Variants in SLC8A1 observed in about 807,000 individuals in gnomAD.
SLC8A1 encodes the protein solute carrier family 8 member A1, also known as sodium/calcium exchanger 1.
SLC8A1 carries 18 observed loss-of-function variants against 68.3 expected under a neutral mutation model. The ratio of observed to expected loss-of-function variants is 0.26; its 90% confidence interval spans 0.18 to 0.39. SLC8A1 has a LOEUF of 0.39. Among genes scored for constraint, SLC8A1 ranks in the 10% least tolerant of loss-of-function variants. The pLI is 1.00. For missense variants in SLC8A1, 985 were observed against 1,156.7 expected (o/e 0.85, Z 2.15); for synonymous variants, 475 against 415.5 (o/e 1.14, Z -1.74).
intron 2 of SLC8A1, among the ~76,000 whole-genome samples, chr2:40,421,322 C>T (rs929739710): frequency 1.3e-5 from 2 of 151,952 alleles, no homozygotes; most frequent in East Asian, 3.9e-4. Context: ...GGCTGAAAGG[C>T]ACAAAGCTGG....
At chr2:40,464,437 C>T (rs1004324973) in intron 1 of SLC8A1, among the ~76,000 whole-genome samples, 4 of 152,202 alleles carry the variant, frequency 2.6e-5, no homozygotes, top group African/African-American at 9.6e-5. Flanking sequence ...GTCTACTGTG[C>T]ACTCTATTAG....
chr2:40,131,057 G>T (rs916087025), intron 7 of SLC8A1, among the ~76,000 whole-genome samples: 1 of 152,200 alleles, frequency 6.6e-6, no homozygotes, highest in Non-Finnish European at 1.5e-5. Context: ...ATTTTTAAGG[G>T]TCTACTATAT....
chr2:40,387,623 T>A (rs1438156049), intron 2 of SLC8A1, among the ~76,000 whole-genome samples: 1 of 151,328 alleles, frequency 6.6e-6, no homozygotes, highest in Admixed American at 6.6e-5. Flanking sequence ...TGAACTAGAC[T>A]TATCAGGAGG....
intron 2 of SLC8A1, among the ~76,000 whole-genome samples, chr2:40,387,594 C>T (rs188596296): frequency 6.6e-6 from 1 of 151,358 alleles, no homozygotes; most frequent in Non-Finnish European, 1.5e-5. Flanking sequence ...TCATAATAAA[C>T]TATCTATGCT....
At chr2:40,483,012 G>C (rs1011071769) in intron 1 of SLC8A1, among the ~76,000 whole-genome samples, 2 of 148,614 alleles carry the variant, frequency 1.3e-5, no homozygotes, top group African/African-American at 5.0e-5. Flanking sequence ...CACCGTGTTA[G>C]CCAGGATGGT....
At chr2:40,209,807 C>G (rs1055693990) in intron 2 of SLC8A1, among the ~76,000 whole-genome samples, 1 of 152,000 alleles carries the variant, frequency 6.6e-6, no homozygotes, top group African/African-American at 2.4e-5. Flanking sequence ...CATCAGCTGA[C>G]AGTAAGACAC....
At chr2:40,226,780 G>T (rs1373515721) in intron 2 of SLC8A1, among the ~76,000 whole-genome samples, 1 of 152,148 alleles carries the variant, frequency 6.6e-6, no homozygotes, top group Non-Finnish European at 1.5e-5. Context: ...AAGATTACTT[G>T]GTAGCTTTTA....
chr2:40,268,036 A>T (rs1359065515), intron 2 of SLC8A1, among the ~76,000 whole-genome samples: 1 of 152,208 alleles, frequency 6.6e-6, no homozygotes, highest in Non-Finnish European at 1.5e-5. Flanking sequence ...CATTTTACAC[A>T]TTTTATCACA....
At chr2:40,295,967 T>C (rs569363789) in intron 2 of SLC8A1, among the ~76,000 whole-genome samples, 1 of 152,234 alleles carries the variant, frequency 6.6e-6, no homozygotes, top group African/African-American at 2.4e-5. Context: ...GTGTTGGTGG[T>C]ATAGAGAGAA....
intron 7 of SLC8A1, among the ~76,000 whole-genome samples, chr2:40,137,988 T>A (rs1036081335): frequency 6.6e-6 from 1 of 152,142 alleles, no homozygotes; most frequent in Non-Finnish European, 1.5e-5. Flanking sequence ...ATTTATACTG[T>A]TCAGATCATC....
chr2:40,356,987 A>T (rs1672865854), intron 2 of SLC8A1, among the ~76,000 whole-genome samples: 1 of 152,186 alleles, frequency 6.6e-6, no homozygotes, highest in African/African-American at 2.4e-5. Context: ...ACACTCCATG[A>T]GTATTCAGAG....
intron 2 of SLC8A1, among the ~76,000 whole-genome samples, chr2:40,292,758 G>C (rs1020271412): frequency 8.5e-5 from 13 of 152,128 alleles, no homozygotes; most frequent in African/African-American, 2.7e-4. Flanking sequence ...TGAGGAAAAG[G>C]CTGCTGGACT....
At chr2:40,252,877 T>C (rs2063041617) in intron 2 of SLC8A1, among the ~76,000 whole-genome samples, 1 of 109,962 alleles carries the variant, frequency 9.1e-6, no homozygotes, top group African/African-American at 4.0e-5. Flanking sequence ...TCCAATAATA[T>C]ATATTTTGAG....
At chr2:40,226,693 C>A (rs1231621248) in intron 2 of SLC8A1, among the ~76,000 whole-genome samples, 1 of 152,144 alleles carries the variant, frequency 6.6e-6, no homozygotes, top group African/African-American at 2.4e-5. Context: ...GTGGAAGCAT[C>A]TTTGACTAAT....
chr2:40,184,898 C>CAAAAAAAAAAAAAAAAAAAAAAAAAAAA (rs66662572), intron 2 of SLC8A1, among the ~76,000 whole-genome samples: 1 of 106,526 alleles, frequency 9.4e-6, no homozygotes. Flanking sequence ...TAACCAAAAA[C>CAAAAAAAAAAAAAAAAAAAAAAAAAAAA]AAAAAAAAAA....
chr2:40,122,235 C>A (rs552144305), intron 7 of SLC8A1, among the ~76,000 whole-genome samples: 1 of 149,062 alleles, frequency 6.7e-6, no homozygotes, highest in African/African-American at 2.6e-5. Flanking sequence ...CGTGTGCGCG[C>A]GCACACACAC....
At chr2:40,154,449 A>T (rs559018046) in intron 6 of SLC8A1, among the ~76,000 whole-genome samples, 1 of 146,896 alleles carries the variant, frequency 6.8e-6, no homozygotes, top group Non-Finnish European at 1.5e-5. Context: ...GATTACAGGC[A>T]CCTGCCACCA....
At chr2:40,358,451 T>A (rs1673455490) in intron 2 of SLC8A1, among the ~76,000 whole-genome samples, 1 of 152,126 alleles carries the variant, frequency 6.6e-6, no homozygotes, top group Non-Finnish European at 1.5e-5. Context: ...ATATCAGAAA[T>A]CTCTCAAATT....
intron 2 of SLC8A1, among the ~76,000 whole-genome samples, chr2:40,244,971 A>G (rs2061669597): frequency 6.6e-6 from 1 of 152,218 alleles, no homozygotes; most frequent in Non-Finnish European, 1.5e-5. Context: ...AACCTAGGAA[A>G]TCAAAAACCA....
Sources: gnomAD v4.1 joint callset for allele counts (sites outside exome capture counted in the v4.1 genomes callset) on GRCh38, gnomAD v4.1.1 for gene constraint, MANE v1.5 for transcripts, NCBI Gene and HGNC (gene_info 2026-07-23, HGNC 2026-07-21) for gene names.